The following PACS1 variants were observed in gnomAD, a reference collection of about 807,000 sequenced individuals.
PACS1 encodes the protein PACS-1.
PACS1 carries 24 observed loss-of-function variants against 115.0 expected under a neutral mutation model. The observed-to-expected ratio is 0.21, with a 90% CI of 0.15 to 0.29. The LOEUF (loss-of-function observed/expected upper bound fraction) is 0.29, where lower values mean the gene tolerates loss of function less well. Ranked by LOEUF, PACS1 falls within the 10% of genes least tolerant of loss-of-function variation. The pLI, the probability that PACS1 is intolerant of heterozygous loss-of-function variation, is 1.00. For synonymous variants in PACS1, 453 were observed against 504.5 expected (o/e 0.90, Z 1.37); for missense variants, 838 against 1,251.2 (o/e 0.67, Z 4.98).
rs995672114 is a variant in PACS1, at chr11:66,171,720, T to C, written c.357-21766T>C. Among the ~76,000 whole-genome samples the C allele has an allele frequency of 5.3e-5, 8 of 149,806 alleles. 1 individual carries two copies. In the East Asian group the frequency reaches 7.7e-4, roughly 14 times the overall value. ...TCAGCCTCCCGAGTAGCTGGGACTA[T>C]AGGCGCCCACCACCACGCCCCGCTA... On this transcript the variant is annotated intron_variant, in intron 1 of 23. Coordinates refer to ENST00000320580, the MANE Select transcript of PACS1 (RefSeq NM_018026.4).
Position 66,198,526 on chromosome 11 carries a change from T to C in PACS1, c.444+4953T>C, listed in dbSNP as rs1854699100. On this transcript the variant is annotated intron_variant, in intron 2 of 23. Coordinates refer to ENST00000320580, the MANE Select transcript of PACS1 (RefSeq NM_018026.4). ...ACACAAAAAACCACATATTGTATGA[T>C]TCCATTTATATGAAATAGGCAGATC... is the stretch of plus-strand genomic sequence containing the variant. Among the ~76,000 whole-genome samples, 3 of 152,104 alleles carry C rather than the reference T, an allele frequency of 2.0e-5. 1 individual carries two copies. The South Asian group carries it at 6.2e-4, about 32-fold the overall frequency.
Position 66,202,739 on chromosome 11 carries a change from AAAAATATATATAT to A in PACS1, c.445-7621_445-7609del, listed in dbSNP as rs1419102789. 5.7e-4 allele frequency among the ~76,000 whole-genome samples: 42 copies of A among 73,044 alleles called. 6 individuals carry two copies. The highest frequency in any genetic ancestry group is 2.4e-3 in the African/African-American group (42 of 17,756). 47.9% of individuals were successfully genotyped at this position (73,044 alleles called of 152,430 possible). A position where few individuals can be genotyped will look rare whatever the true frequency, so the allele number is the denominator to read the frequency against. ...CCTCATCTCTAGGAAAAAAAAAAAA[AAAAATATATATAT>A]ATATATATATATATATATATATATA... is the stretch of plus-strand genomic sequence containing the variant. On this transcript the variant is annotated intron_variant, in intron 2 of 23. Transcript: ENST00000320580.
chr11:66,097,187 C>A (rs1200997474), intron 1 of PACS1, among the ~76,000 whole-genome samples: 1 of 152,142 alleles, frequency 6.6e-6, no homozygotes, highest in African/African-American at 2.4e-5. Flanking sequence ...TATTTATGGC[C>A]TAGTAGTCCT....
chr11:66,217,570 G>A (rs1178076628), intron 7 of PACS1: 4 of 456,092 alleles, frequency 8.8e-6, no homozygotes, highest in African/African-American at 2.0e-5. Context: ...GGGATGAAAC[G>A]GAGGCCAGAT....
chr11:66,213,054 T>C (rs1334780019), intron 4 of PACS1, among the ~76,000 whole-genome samples: 1 of 152,078 alleles, frequency 6.6e-6, no homozygotes, highest in Non-Finnish European at 1.5e-5. Context: ...GGTTTCACCA[T>C]GTTGTCTGGG....
At chr11:66,239,104 C>G in intron 20 of PACS1, 38 bp from the exon 21 acceptor site, 1 of 1,613,912 alleles carries the variant, frequency 6.2e-7, no homozygotes, top group Non-Finnish European at 8.5e-7. Context: ...GAGATAGCTT[C>G]CTCTGGCCAA....
chr11:66,204,931 C>T (rs1854898899), intron 2 of PACS1, among the ~76,000 whole-genome samples: 1 of 152,130 alleles, frequency 6.6e-6, no homozygotes, highest in East Asian at 1.9e-4. Context: ...TCCTTGAGTC[C>T]AGTAGTTTGA....
At position 66,241,120 on chromosome 11, in the gene PACS1, G is replaced by A. The variant is rs1855805602; in HGVS notation, c.2430-307G>A. Reference sequence around the variant, plus strand: ...TATATGTGTGTATATGTGTGTGCACGCATGCACTTATGTACACACACACTT... The same window carrying A: ...TATATGTGTGTATATGTGTGTGCACACATGCACTTATGTACACACACACTT... On this transcript the variant is annotated intron_variant, in intron 21 of 23. Coordinates refer to ENST00000320580, the MANE Select transcript of PACS1 (RefSeq NM_018026.4). The A allele has an allele frequency of 4.3e-5, 14 of 324,296 alleles. 1 individual carries two copies. Among genetic ancestry groups the A allele is most frequent in the South Asian group, 2.6e-4 (7 of 27,170 alleles). The allele number at this position is 324,296 out of a possible 1,614,324, so 20.1% of individuals were successfully genotyped here. A position where few individuals can be genotyped will look rare whatever the true frequency, so the allele number is the denominator to read the frequency against.
intron 1 of PACS1, among the ~76,000 whole-genome samples, chr11:66,169,228 T>C (rs1351133058): frequency 1.3e-5 from 2 of 150,698 alleles, no homozygotes; most frequent in African/African-American, 5.0e-5. Context: ...CCAAGTTTGC[T>C]AAGAGGACTT....
In PACS1 at chr11:66,169,667, G is replaced by A. The variant is rs752130747; in HGVS notation, c.357-23819G>A. On this transcript the variant is annotated intron_variant, in intron 1 of 23. Coordinates refer to ENST00000320580, the MANE Select transcript of PACS1 (RefSeq NM_018026.4). The stretch of plus-strand genomic sequence containing the variant: ...CCTGACCTTGTGATCCACCTGCCTT[G>A]GCCTCCCAAAGTGCTGGGATTACAG... Among the ~76,000 whole-genome samples the A allele has an allele frequency of 4.9e-5, 7 of 144,046 alleles. No individual in the cohort carries two copies. The East Asian group carries it at 1.4e-3, about 29-fold the overall frequency. 94.5% of individuals were successfully genotyped at this position (144,046 alleles called of 152,430 possible).
At chr11:66,071,297 G>A (rs905934232) in intron 1 of PACS1, among the ~76,000 whole-genome samples, 4 of 152,160 alleles carry the variant, frequency 2.6e-5, no homozygotes, top group African/African-American at 9.7e-5. Context: ...AATCACCCTA[G>A]GGGCTTCTCA....
chr11:66,143,058 A>T (rs529112804), intron 1 of PACS1, among the ~76,000 whole-genome samples: 1 of 152,036 alleles, frequency 6.6e-6, no homozygotes, highest in Non-Finnish European at 1.5e-5. Flanking sequence ...ATTTTTCCTG[A>T]TGGTACTTTT....
intron 1 of PACS1, among the ~76,000 whole-genome samples, chr11:66,172,180 C>A (rs1044998253): frequency 6.6e-6 from 1 of 152,034 alleles, no homozygotes; most frequent in Non-Finnish European, 1.5e-5. Flanking sequence ...TTTTTCTATC[C>A]TTGATCTTCT....
rs201713158 is a variant in PACS1, at chr11:66,074,945, T to TG, written c.356+4103_356+4104insG. Among the ~76,000 whole-genome samples, 1,208 of 139,676 alleles carry TG rather than the reference T, an allele frequency of 8.6e-3. 85 individuals carry two copies. The East Asian group carries it at 0.17, about 20-fold the overall frequency. The allele number at this position is 139,676 out of a possible 152,430, so 91.6% of individuals were successfully genotyped here. ...TTTTATTAATTTTTTTTTGGTGTTT[T>TG]TTTTTTTTTTTTTTTGAGATGGAGT... On this transcript the variant is annotated intron_variant, in intron 1 of 23. Transcript: ENST00000320580.
intron 1 of PACS1, among the ~76,000 whole-genome samples, chr11:66,150,210 C>T (rs898309209): frequency 3.9e-5 from 6 of 152,258 alleles, no homozygotes; most frequent in South Asian, 2.1e-4. Context: ...GAATCCAATA[C>T]AGTAATCTAT....
chr11:66,079,303 G>GTTTTTT (rs10692760), intron 1 of PACS1, among the ~76,000 whole-genome samples: 6 of 110,392 alleles, frequency 5.4e-5, no homozygotes, highest in East Asian at 2.5e-4. Flanking sequence ...TTTGTAGCAG[G>GTTTTTT]TTTTTTTTTT....
At chr11:66,176,619 G>C (rs1025997041) in intron 1 of PACS1, among the ~76,000 whole-genome samples, 4 of 152,004 alleles carry the variant, frequency 2.6e-5, no homozygotes, top group African/African-American at 9.7e-5. Context: ...TCATCACGTT[G>C]GTCAGGCTGG....
intron 10 of PACS1, among the ~76,000 whole-genome samples, chr11:66,226,028 C>G (rs1422021859): frequency 6.6e-6 from 1 of 152,084 alleles, no homozygotes; most frequent in Non-Finnish European, 1.5e-5. Flanking sequence ...AAAAATTAGG[C>G]AGGCATGGTG....
intron 1 of PACS1, among the ~76,000 whole-genome samples, chr11:66,088,495 A>G (rs1857608810): frequency 6.6e-6 from 1 of 152,152 alleles, no homozygotes; most frequent in Non-Finnish European, 1.5e-5. Context: ...TGTACCATTT[A>G]TTTACAAGGT....
Sources: allele counts gnomAD v4.1 joint callset (sites outside exome capture counted in the v4.1 genomes callset), GRCh38; gene constraint gnomAD v4.1.1; transcripts MANE v1.5; gene names NCBI Gene and HGNC (gene_info 2026-07-23, HGNC 2026-07-21).